The following CLIC5 variants were observed in gnomAD, a reference collection of about 807,000 sequenced individuals.
CLIC5 encodes chloride intracellular channel protein 5.
In CLIC5, 20 loss-of-function variants were observed where a neutral mutation model predicts 24.7. The ratio of observed to expected loss-of-function variants is 0.81; its 90% CI spans 0.57 to 1.18. The LOEUF is 1.18. Among genes scored for constraint, CLIC5 ranks in the 50% most tolerant of loss-of-function variants. The probability of loss-of-function intolerance (pLI) is 0.00; values close to 1 mark genes in which losing one functional copy is unlikely to be tolerated. For synonymous variants in CLIC5, 159 were observed against 135.6 expected (o/e 1.17, Z -1.20); for missense variants, 341 against 326.1 (o/e 1.05, Z -0.35).
At chr6:46,110,438 C>T in the CLIC5 span, among the ~76,000 whole-genome samples, 2 of 152,210 alleles carry the variant, frequency 1.3e-5, no homozygotes, top group African/African-American at 2.4e-5. Flanking sequence ...TTTATGGCAA[C>T]ATAGTTACTT....
chr6:45,929,959 C>A (rs777183304), intron 4 of CLIC5, among the ~76,000 whole-genome samples: 2 of 152,188 alleles, frequency 1.3e-5, no homozygotes, highest in South Asian at 2.1e-4. Flanking sequence ...GATGGCCAGG[C>A]CCTCCAGACA....
the CLIC5 span, among the ~76,000 whole-genome samples, chr6:46,116,151 G>T: frequency 6.6e-6 from 1 of 151,390 alleles, no homozygotes; most frequent in East Asian, 1.9e-4. Context: ...TCTGGAAGCA[G>T]CTTTGGAGAG....
chr6:46,078,635 C>T (rs1266495604), intron 1 of CLIC5, among the ~76,000 whole-genome samples: 1 of 152,192 alleles, frequency 6.6e-6, no homozygotes, highest in East Asian at 1.9e-4. Flanking sequence ...CCTTGTCTTG[C>T]ACAGCCCTTT....
At chr6:45,881,825 G>T (rs964194471) in intron 6 of CLIC5, among the ~76,000 whole-genome samples, 3 of 152,106 alleles carry the variant, frequency 2.0e-5, no homozygotes, top group Non-Finnish European at 2.9e-5. Context: ...AGTGCAGAAG[G>T]TTGTGTTTGG....
At chr6:46,039,940 C>A (rs1767760076) in intron 1 of CLIC5, among the ~76,000 whole-genome samples, 1 of 152,206 alleles carries the variant, frequency 6.6e-6, no homozygotes. Context: ...CCTGGCAATT[C>A]AGACAATGAG....
At chr6:45,922,335 G>A (rs1428010643) in intron 4 of CLIC5, among the ~76,000 whole-genome samples, 1 of 152,168 alleles carries the variant, frequency 6.6e-6, no homozygotes, top group Non-Finnish European at 1.5e-5. Flanking sequence ...AGAATGGGGT[G>A]TTTTCTGATG....
At chr6:46,088,903 A>G in the CLIC5 span, among the ~76,000 whole-genome samples, 8 of 152,204 alleles carry the variant, frequency 5.3e-5, no homozygotes, top group African/African-American at 1.9e-4. Flanking sequence ...TCTTGTCCCT[A>G]TGCACTTCCC....
intron 4 of CLIC5, chr6:45,937,558 C>T (rs995275068): frequency 6.6e-6 from 1 of 152,236 alleles, no homozygotes; most frequent in Non-Finnish European, 1.5e-5. Context: ...TGTTTTACAG[C>T]TCCCTGTAGA....
At chr6:46,077,733 C>T (rs534747635) in intron 1 of CLIC5, among the ~76,000 whole-genome samples, 4 of 152,080 alleles carry the variant, frequency 2.6e-5, no homozygotes, top group Non-Finnish European at 5.9e-5. Flanking sequence ...TCAGTTCACA[C>T]AATTATGCTA....
At chr6:46,031,830 T>A (rs1255718999) in intron 1 of CLIC5, among the ~76,000 whole-genome samples, 1 of 150,274 alleles carries the variant, frequency 6.7e-6, no homozygotes, top group Non-Finnish European at 1.5e-5. Flanking sequence ...AGAGTGCATA[T>A]AGTCATTTCA....
chr6:46,096,301 C>G, the CLIC5 span, among the ~76,000 whole-genome samples: 1 of 152,236 alleles, frequency 6.6e-6, no homozygotes, highest in Non-Finnish European at 1.5e-5. Flanking sequence ...GGCCAGGGAA[C>G]AGATCCAAAC....
chr6:46,118,877 G>T, the CLIC5 span, among the ~76,000 whole-genome samples: 1 of 152,142 alleles, frequency 6.6e-6, no homozygotes, highest in Non-Finnish European at 1.5e-5. Flanking sequence ...ATTAAGTAAG[G>T]GTCTTGAGAA....
At chr6:46,050,851 G>T (rs1029923017) in intron 1 of CLIC5, among the ~76,000 whole-genome samples, 1 of 111,280 alleles carries the variant, frequency 9.0e-6, no homozygotes, top group Non-Finnish European at 1.8e-5. Context: ...AAGTGTGTGT[G>T]TATGTGTGTG....
chr6:46,015,467 G>A lies in CLIC5; in HGVS notation c.63+13C>T. On this transcript the variant is annotated intron_variant, in intron 1 of 5. Transcript: ENST00000339561. Reference sequence around the variant, plus strand: ...GCGCGGCAGGTGCGGCGGGAGACTGGACCCCGACCTACCTTCACAAAGAGC... The same window carrying A: ...GCGCGGCAGGTGCGGCGGGAGACTGAACCCCGACCTACCTTCACAAAGAGC... 6.6e-7 allele frequency: 1 copy of A among 1,518,440 alleles called. No homozygotes were observed. Among genetic ancestry groups the A allele is most frequent in the Non-Finnish European group, 8.8e-7 (1 of 1,131,160 alleles). The allele number at this position is 1,518,440 out of a possible 1,614,324, so 94.1% of individuals were successfully genotyped here.
chr6:46,103,359 A>G, the CLIC5 span, among the ~76,000 whole-genome samples: 63 of 152,306 alleles, frequency 4.1e-4, no homozygotes, highest in African/African-American at 1.3e-3. Flanking sequence ...AACAGAAGTA[A>G]CCCTGCAAAG....
At chr6:46,036,696 G>C (rs1317004808) in intron 1 of CLIC5, among the ~76,000 whole-genome samples, 1 of 152,182 alleles carries the variant, frequency 6.6e-6, no homozygotes, top group East Asian at 1.9e-4. Flanking sequence ...AATGTGCTCA[G>C]TATTTGTGGA....
At chr6:46,104,451 T>C in the CLIC5 span, among the ~76,000 whole-genome samples, 2 of 152,104 alleles carry the variant, frequency 1.3e-5, no homozygotes, top group Non-Finnish European at 2.9e-5. Flanking sequence ...CCCATCACCA[T>C]GGGACTTTTG....
intron 1 of CLIC5, among the ~76,000 whole-genome samples, chr6:46,038,662 A>G (rs760881585): frequency 3.3e-5 from 5 of 152,224 alleles, no homozygotes; most frequent in Non-Finnish European, 7.4e-5. Context: ...CTTAATCTAC[A>G]TTAATGAAAA....
intron 1 of CLIC5, among the ~76,000 whole-genome samples, chr6:45,966,348 C>A (rs1467017212): frequency 2.0e-5 from 3 of 150,822 alleles, no homozygotes; most frequent in Admixed American, 1.3e-4. Context: ...GCCCAAGCCC[C>A]ACTCTCAGAT....
Sources: gnomAD v4.1 joint callset for allele counts (sites outside exome capture counted in the v4.1 genomes callset) on GRCh38, gnomAD v4.1.1 for gene constraint, MANE v1.5 for transcripts, NCBI Gene and HGNC (gene_info 2026-07-23, HGNC 2026-07-21) for gene names.